Variants in VWA3B observed in about 807,000 individuals in gnomAD.
VWA3B encodes von Willebrand factor A domain containing 3B, also known as von Willebrand factor A domain-containing protein 3B.
In VWA3B, 138 loss-of-function variants were observed where a neutral mutation model predicts 158.3. The ratio of observed to expected loss-of-function variants is 0.87; its 90% CI spans 0.76 to 1.00. VWA3B has a LOEUF of 1.00. Ranked by LOEUF, VWA3B falls within the 50% of genes least tolerant of loss-of-function variation. The probability of loss-of-function intolerance (pLI) is 0.00; values close to 1 mark genes in which losing one functional copy is unlikely to be tolerated. For synonymous variants in VWA3B, 596 were observed against 587.3 expected, an observed-to-expected ratio of 1.01 and a Z score of -0.21; for missense variants, 1,555 against 1,565.1, an observed-to-expected ratio of 0.99 and a Z score of 0.11.
intron 25 of VWA3B, among the ~76,000 whole-genome samples, chr2:98,301,312 A>T (rs1690174644): frequency 6.7e-6 from 1 of 149,964 alleles, no homozygotes; most frequent in Non-Finnish European, 1.5e-5. Context: ...AAACAAAACA[A>T]AAAAAAAAAC....
At chr2:98,303,993 C>T (rs1232208494) in intron 26 of VWA3B, among the ~76,000 whole-genome samples, 191 bp downstream of exon 26, 1 of 152,318 alleles carries the variant, frequency 6.6e-6, no homozygotes, top group East Asian at 1.9e-4. Context: ...ACTTATTCAT[C>T]CATCTGGTTC....
intron 3 of VWA3B, among the ~76,000 whole-genome samples, chr2:98,117,238 G>A (rs894359559): frequency 5.3e-5 from 8 of 152,186 alleles, no homozygotes; most frequent in African/African-American, 1.9e-4. Context: ...GAAGGCTGAT[G>A]TTTCTTCATC....
chr2:98,242,588 T>C (rs1179840672), intron 19 of VWA3B, among the ~76,000 whole-genome samples: 6 of 151,376 alleles, frequency 4.0e-5, no homozygotes, highest in Non-Finnish European at 5.9e-5. Context: ...CATCAAGGCT[T>C]CCTGTGTTGT....
chr2:98,228,344 T>A lies in VWA3B; in HGVS notation c.2150+12T>A, dbSNP rs1324090324. 3 of 1,607,518 alleles carry A rather than the reference T, an allele frequency of 1.9e-6. No individual in the cohort carries two copies. Among genetic ancestry groups the A allele is most frequent in the Non-Finnish European group, 2.6e-6 (3 of 1,176,020 alleles). ...GATGGAGACAGCAAGTGAGCACCTC[T>A]GCCCGCCTGTCTCCCTGCGCTGAGG... is the stretch of plus-strand genomic sequence containing the variant. On this transcript the variant is annotated intron_variant, in intron 15 of 27. Coordinates refer to ENST00000477737, the MANE Select transcript of VWA3B (RefSeq NM_144992.5).
intron 19 of VWA3B, among the ~76,000 whole-genome samples, chr2:98,248,706 C>G (rs1315380566): frequency 6.6e-6 from 1 of 152,140 alleles, no homozygotes; most frequent in Non-Finnish European, 1.5e-5. Flanking sequence ...TTTGGACACA[C>G]AGCTTAACAA....
At position 98,194,458 on chromosome 2, in the gene VWA3B, T is replaced by A; in HGVS notation, c.1703T>A (p.Leu568Ter). ...CTTGCTGAAGTCAATGAAGATAATT[T>A]GGAACAGGCTCAGTCCTGGATTAGA... is the stretch of plus-strand genomic sequence containing the variant. ...EQLAEVNEDN[L>*]EQAQSWIRDI... Residue 568 changes from leucine to a stop codon, truncating the protein, a stop_gained, in exon 12 of 28, where the codon TTG (leucine) becomes TAG (stop). Coordinates refer to ENST00000477737, the MANE Select transcript of VWA3B (RefSeq NM_144992.5). LOFTEE classifies it high-confidence loss of function. 6.2e-7 allele frequency: 1 copy of A among 1,614,098 alleles called. No homozygotes were observed. Among genetic ancestry groups the A allele is most frequent in the Non-Finnish European group, 8.5e-7 (1 of 1,180,002 alleles).
the VWA3B span, among the ~76,000 whole-genome samples, chr2:98,323,712 A>C: frequency 1.3e-5 from 2 of 152,222 alleles, no homozygotes; most frequent in Admixed American, 1.3e-4. Context: ...GAAGATTGAC[A>C]TGATTACAGA....
At chr2:98,223,945 C>G (rs1684711306) in intron 14 of VWA3B, among the ~76,000 whole-genome samples, 1 of 152,144 alleles carries the variant, frequency 6.6e-6, no homozygotes, top group Admixed American at 6.5e-5. Flanking sequence ...CCAGGCTGGT[C>G]TTGAACTCCT....
At chr2:98,262,611 C>A (rs1465648636) in intron 21 of VWA3B, among the ~76,000 whole-genome samples, 1 of 151,662 alleles carries the variant, frequency 6.6e-6, no homozygotes, top group Non-Finnish European at 1.5e-5. Flanking sequence ...ACTCTTTATT[C>A]TGTTCCAGTA....
At chr2:98,241,725 A>G (rs10190336) in intron 19 of VWA3B, among the ~76,000 whole-genome samples, 123,866 of 151,876 alleles carry the variant, frequency 0.82, 50,905 homozygotes, top group South Asian at 0.9. Flanking sequence ...GTTCTCAAGC[A>G]CATCCCATGG....
At chr2:98,304,516 A>G (rs1016394110) in intron 26 of VWA3B, among the ~76,000 whole-genome samples, 1 of 152,036 alleles carries the variant, frequency 6.6e-6, no homozygotes, top group Non-Finnish European at 1.5e-5. Flanking sequence ...GCTAACCTTC[A>G]TTCTCCTAAT....
intron 7 of VWA3B, among the ~76,000 whole-genome samples, chr2:98,149,676 C>A (rs1650274395): frequency 6.6e-6 from 1 of 152,180 alleles, no homozygotes; most frequent in Non-Finnish European, 1.5e-5. Flanking sequence ...GGGAGTACCT[C>A]TGGTTCTTCT....
the VWA3B span, among the ~76,000 whole-genome samples, chr2:98,330,517 T>A: frequency 6.6e-6 from 1 of 152,214 alleles, no homozygotes; most frequent in Non-Finnish European, 1.5e-5. Flanking sequence ...GTCCATCTGG[T>A]GCCTTTGCTC....
chr2:98,108,632 A>G (rs1673866566), intron 2 of VWA3B, among the ~76,000 whole-genome samples: 1 of 152,096 alleles, frequency 6.6e-6, no homozygotes, highest in Admixed American at 6.5e-5. Flanking sequence ...ATTCTTTGCT[A>G]TGAAGTTTAT....
intron 14 of VWA3B, among the ~76,000 whole-genome samples, chr2:98,226,567 G>T (rs1684928558): frequency 6.6e-6 from 1 of 150,854 alleles, no homozygotes; most frequent in South Asian, 2.1e-4. Context: ...AGGATTAATA[G>T]ATTGGACCTC....
intron 7 of VWA3B, among the ~76,000 whole-genome samples, chr2:98,146,365 AG>A (rs1238892777): frequency 6.6e-6 from 1 of 152,182 alleles, no homozygotes; most frequent in Non-Finnish European, 1.5e-5. Context: ...GAGGAAAGGT[AG>A]GGAAGGGGCT....
chr2:98,116,654 G>T (rs1674558093), intron 3 of VWA3B, among the ~76,000 whole-genome samples: 1 of 152,160 alleles, frequency 6.6e-6, no homozygotes, highest in African/African-American at 2.4e-5. Context: ...CCACAGGCGT[G>T]TGCCATCACA....
chr2:98,100,381 C>T (rs1467326686), intron 2 of VWA3B, among the ~76,000 whole-genome samples: 2 of 152,216 alleles, frequency 1.3e-5, no homozygotes, highest in Admixed American at 6.5e-5. Flanking sequence ...CCAAGGCTGG[C>T]ACAGCACTGG....
intron 13 of VWA3B, 186 bp downstream of exon 13, chr2:98,212,214 G>A (rs1404057165): frequency 1.9e-6 from 1 of 529,842 alleles, no homozygotes; most frequent in Non-Finnish European, 3.4e-6. Flanking sequence ...GAAACTCTGA[G>A]GAGAATTTAT....
Sources: gnomAD v4.1 joint callset for allele counts (sites outside exome capture counted in the v4.1 genomes callset) on GRCh38, gnomAD v4.1.1 for gene constraint, MANE v1.5 for transcripts, NCBI Gene and HGNC (gene_info 2026-07-23, HGNC 2026-07-21) for gene names.